Variants in BCL2L13 observed in about 807,000 individuals in gnomAD.
BCL2L13 encodes the protein BCL2 like 13.
In BCL2L13, 13 loss-of-function variants were observed where a neutral mutation model predicts 25.8. That is an observed-to-expected ratio of 0.50 (90% confidence interval 0.33 to 0.80). BCL2L13 has a LOEUF of 0.80. Ranked by LOEUF, BCL2L13 falls within the 30% of genes least tolerant of loss-of-function variation. BCL2L13 has a pLI of 0.02. For synonymous variants in BCL2L13, 244 were observed against 230.3 expected (o/e 1.06, Z -0.54); for missense variants, 504 against 574.9 (o/e 0.88, Z 1.26).
rs761546311 is a variant in BCL2L13, at chr22:17,727,039, G to A, written c.963G>A (p.Glu321=). The A allele has an allele frequency of 1.2e-6, 2 of 1,614,218 alleles. No individual in the cohort carries two copies. The highest frequency in any genetic ancestry group is 2.2e-5 in the South Asian group (2 of 91,082). Residue 321 remains glutamate, a synonymous_variant, in exon 7 of 7, where the codon GAG becomes GAA. Coordinates refer to ENST00000317582, the MANE Select transcript of BCL2L13 (RefSeq NM_015367.4). ...AAGAGGTGCCCGAGGGCATGGAAGAGGCTGCTGTGGCTTCTGTGGTCTTGC... is the reference window on the plus strand; with the variant it reads ...AAGAGGTGCCCGAGGGCATGGAAGAAGCTGCTGTGGCTTCTGTGGTCTTGC... ...EKEEVPEGME[E]AAVASVVLPA... is the part of the protein sequence containing the mutation.
chr22:17,646,369 C>T (rs13055832), intron 1 of BCL2L13, among the ~76,000 whole-genome samples: 21,285 of 151,318 alleles, frequency 0.14, 2,120 homozygotes, highest in Non-Finnish European at 0.21. Flanking sequence ...GTCTCAGCCT[C>T]CTGAGTAGCT....
intron 2 of BCL2L13, among the ~76,000 whole-genome samples, chr22:17,681,374 CG>C (rs1381724941): frequency 6.6e-6 from 1 of 151,702 alleles, no homozygotes; most frequent in African/African-American, 2.4e-5. Flanking sequence ...GGTGTGGTGG[CG>C]GGCGCCTGTA....
intron 6 of BCL2L13, among the ~76,000 whole-genome samples, chr22:17,722,900 G>T (rs1054882447): frequency 6.6e-6 from 1 of 151,990 alleles, no homozygotes; most frequent in African/African-American, 2.4e-5. Flanking sequence ...TAGAGTTATT[G>T]TACAATATGG....
intron 2 of BCL2L13, among the ~76,000 whole-genome samples, chr22:17,680,668 G>A (rs181382175): frequency 1.1e-4 from 16 of 152,142 alleles, no homozygotes; most frequent in Admixed American, 3.3e-4. Context: ...CATGATTCAC[G>A]AGGTAAGTGA....
At chr22:17,662,325 A>C (rs963691410) in intron 2 of BCL2L13, among the ~76,000 whole-genome samples, 2 of 152,058 alleles carry the variant, frequency 1.3e-5, no homozygotes, top group Non-Finnish European at 2.9e-5. Flanking sequence ...GAAAAAAACA[A>C]AAATTAGCCA....
intron 6 of BCL2L13, among the ~76,000 whole-genome samples, chr22:17,723,014 A>G (rs371477823): frequency 6.6e-6 from 1 of 152,176 alleles, no homozygotes; most frequent in Non-Finnish European, 1.5e-5. Context: ...GGTATTGAAG[A>G]CTGTTTGAAA....
chr22:17,726,920 G>C lies in BCL2L13; in HGVS notation c.844G>C (p.Asp282His). ...TGAGTCCTGGCAGCAGATTGCAATG[G>C]ATCCTGAAGAAGTGAAAAGCTTAGA... ...GPESWQQIAM[D>H]PEEVKSLDSN... The change falls in exon 7 of 7, where the codon GAT becomes CAT. Residue 282 changes from aspartate (D) to histidine (H), a missense_variant. Asp to His is a moderately conservative substitution (Grantham distance 81). Transcript: ENST00000317582. The C allele has an allele frequency of 6.2e-7, 1 of 1,614,202 alleles. No homozygotes were observed. The highest frequency in any genetic ancestry group is 8.5e-7 in the Non-Finnish European group (1 of 1,180,044).
At chr22:17,709,451 C>T (rs1208207321) in intron 6 of BCL2L13, among the ~76,000 whole-genome samples, 1 of 149,102 alleles carries the variant, frequency 6.7e-6, no homozygotes, top group Non-Finnish European at 1.5e-5. Flanking sequence ...AAAAATTAGC[C>T]AGGCATGGTC....
chr22:17,694,033 C>T (rs139194484), intron 4 of BCL2L13, among the ~76,000 whole-genome samples: 2,241 of 152,208 alleles, frequency 0.015, 59 homozygotes, highest in African/African-American at 0.05. Context: ...GTTGGGATTA[C>T]AGGCGTGAGC....
chr22:17,726,228 A>C (rs769420408), intron 6 of BCL2L13, among the ~76,000 whole-genome samples: 8 of 152,010 alleles, frequency 5.3e-5, no homozygotes, highest in Non-Finnish European at 1.0e-4. Flanking sequence ...GCAGGTGCCT[A>C]TAATTGCAGC....
chr22:17,637,762 A>T (rs1403217406), upstream of BCL2L13, among the ~76,000 whole-genome samples: 8 of 151,916 alleles, frequency 5.3e-5, no homozygotes, highest in Non-Finnish European at 1.0e-4. Context: ...TTCCTCAGTC[A>T]CTCGGGCTTA....
chr22:17,684,959 T>A (rs1006460359), intron 3 of BCL2L13, among the ~76,000 whole-genome samples: 4 of 151,992 alleles, frequency 2.6e-5, no homozygotes, highest in Non-Finnish European at 5.9e-5. Flanking sequence ...GTCTCGTTGA[T>A]CTCCTGACCT....
chr22:17,656,508 C>T (rs1193323692), intron 2 of BCL2L13, among the ~76,000 whole-genome samples: 7 of 150,728 alleles, frequency 4.6e-5, no homozygotes, highest in Non-Finnish European at 7.4e-5. Context: ...CCACCATGCC[C>T]GGCTAATTTT....
rs1043951098 is a variant in BCL2L13, at chr22:17,660,512, T to C, written c.121+4680T>C. ...TTGGCTCACTGCAACCTTCACCTTC[T>C]GGGCTCAGTCGATTCTCCTGCCTCA... On this transcript the variant is annotated intron_variant, in intron 2 of 6. Transcript: ENST00000317582. Among the ~76,000 whole-genome samples the C allele has an allele frequency of 4.1e-5, 6 of 146,056 alleles. No individual in the cohort carries two copies. In the South Asian group the frequency reaches 1.3e-3, roughly 31 times the overall value.
rs772272923 is a variant in BCL2L13, at chr22:17,727,074, A to T, written c.998A>T (p.Glu333Val). 5.0e-6 allele frequency: 8 copies of T among 1,614,112 alleles called. No homozygotes were observed. The highest frequency in any genetic ancestry group is 6.8e-6 in the Non-Finnish European group (8 of 1,180,024). The stretch of plus-strand genomic sequence containing the variant: ...GCTTCTGTGGTCTTGCCAGCGCGGG[A>T]GCTGCAAGAGGCACTTCCTGAAGCC... ...AVASVVLPAR[E>V]LQEALPEAPA... Residue 333 changes from glutamate to valine, a missense_variant, in exon 7 of 7, where the codon GAG (glutamate) becomes GTG (valine). Coordinates refer to ENST00000317582, the MANE Select transcript of BCL2L13 (RefSeq NM_015367.4).
At chr22:17,686,246 T>G (rs9604785) in intron 3 of BCL2L13, among the ~76,000 whole-genome samples, 14,094 of 151,780 alleles carry the variant, frequency 0.093, 767 homozygotes, top group Non-Finnish European at 0.11. Flanking sequence ...GCCAGGAGTT[T>G]GAGATGACCC....
chr22:17,693,333 G>GTTTGTTTA (rs1348100989), intron 4 of BCL2L13, among the ~76,000 whole-genome samples: 45 of 132,090 alleles, frequency 3.4e-4, no homozygotes, highest in African/African-American at 1.2e-3. Flanking sequence ...CTTTGGGGTA[G>GTTTGTTTA]TTTATTTATT....
At chr22:17,711,917 A>G (rs1406383644) in intron 6 of BCL2L13, among the ~76,000 whole-genome samples, 2 of 152,180 alleles carry the variant, frequency 1.3e-5, no homozygotes, top group African/African-American at 4.8e-5. Flanking sequence ...ATAGAAAGTG[A>G]GAGCAGAGGT....
Position 17,671,155 on chromosome 22 carries a change from G to C in BCL2L13, c.122-12059G>C, listed in dbSNP as rs554932899. 9.2e-5 allele frequency among the ~76,000 whole-genome samples: 14 copies of C among 152,150 alleles called. No homozygotes were observed. In the East Asian group the frequency reaches 2.7e-3, roughly 29 times the overall value. ...CACACCTGTAATGCCAACACTTTGG[G>C]AGGCCGAGGTGGGTAGATCATGAGG... On this transcript the variant is annotated intron_variant, in intron 2 of 6. Coordinates refer to ENST00000317582, the MANE Select transcript of BCL2L13 (RefSeq NM_015367.4).
Sources: gnomAD v4.1 joint callset for allele counts (sites outside exome capture counted in the v4.1 genomes callset) on GRCh38, gnomAD v4.1.1 for gene constraint, MANE v1.5 for transcripts, NCBI Gene and HGNC (gene_info 2026-07-23, HGNC 2026-07-21) for gene names.